ABCA1: variants seen among roughly 807,000 people sequenced by gnomAD.
The protein encoded by ABCA1 is ATP binding cassette subfamily A member 1, also known as phospholipid-transporting ATPase ABCA1.
ABCA1 carries 133 observed loss-of-function variants against 262.5 expected under a neutral mutation model. That is an observed-to-expected ratio of 0.51 (90% confidence interval 0.44 to 0.59). ABCA1 has a LOEUF of 0.59. Among genes scored for constraint, ABCA1 ranks in the 20% least tolerant of loss-of-function variants. ABCA1 has a pLI of 0.00. For missense variants in ABCA1, 2,452 were observed against 2,777.5 expected (o/e 0.88, Z 2.63); for synonymous variants, 1,022 against 1,043.5 (o/e 0.98, Z 0.40).
Position 104,862,654 on chromosome 9 carries a change from C to T in ABCA1, c.422-854G>A, listed in dbSNP as rs1220676024. Among the ~76,000 whole-genome samples the T allele has an allele frequency of 2.5e-3, 19 of 7,516 alleles. 1 individual carries two copies. Among genetic ancestry groups the T allele is most frequent in the Non-Finnish European group, 3.4e-3 (13 of 3,880 alleles). 4.9% of individuals were successfully genotyped at this position (7,516 alleles called of 152,430 possible). A position where few individuals can be genotyped will look rare whatever the true frequency, so the allele number is the denominator to read the frequency against. The stretch of plus-strand genomic sequence containing the variant: ...ACTGCCGGGCCGGGCCGGGCCGGGC[C>T]GGGCCGGGCCGGGCCGGGCCGGGCC... On this transcript the variant is annotated intron_variant, in intron 5 of 49. Coordinates refer to ENST00000374736, the MANE Select transcript of ABCA1 (RefSeq NM_005502.4).
At chr9:104,828,298 A>C (rs1832970652) in intron 15 of ABCA1, among the ~76,000 whole-genome samples, 1 of 152,152 alleles carries the variant, frequency 6.6e-6, no homozygotes, top group Non-Finnish European at 1.5e-5. Flanking sequence ...GTCAGGAGGG[A>C]GGCCTTGGGG....
At chr9:104,829,415 G>C (rs1387087952) in intron 14 of ABCA1, among the ~76,000 whole-genome samples, 1 of 152,102 alleles carries the variant, frequency 6.6e-6, no homozygotes, top group African/African-American at 2.4e-5. Context: ...ACTAAAGGTA[G>C]ATTATGTTAA....
chr9:104,857,218 A>G (rs1307053847), intron 7 of ABCA1, among the ~76,000 whole-genome samples: 4 of 152,158 alleles, frequency 2.6e-5, no homozygotes, highest in Non-Finnish European at 4.4e-5. Flanking sequence ...CATGAGAATC[A>G]CTTAAGCCTG....
At position 104,816,218 on chromosome 9, in the gene ABCA1, G is replaced by T; in HGVS notation, c.3663C>A (p.Leu1221=). The change falls in exon 25 of 50, where the codon CTC becomes CTA. Residue 1221 remains leucine (L), a synonymous_variant. Coordinates refer to ENST00000374736, the MANE Select transcript of ABCA1 (RefSeq NM_005502.4). ...AGAGCCGGTCATCAATCTCATGAAA[G>T]AGTTCCACAAAGGCTCCCTCCTTAG... ...EAAKEGAFVE[L]FHEIDDRLSD... is the part of the protein sequence containing the mutation. 1.9e-6 allele frequency: 3 copies of T among 1,614,156 alleles called. No individual in the cohort carries two copies. The highest frequency in any genetic ancestry group is 2.7e-5 in the African/African-American group (2 of 75,024).
Position 104,865,098 on chromosome 9 carries a change from A to C in ABCA1, c.422-3298T>G, listed in dbSNP as rs116534111. ...TATCCACCCATGTAGGCTTAGACTC[A>C]CACACTAGCACCAACCTGTGTGAAA... On this transcript the variant is annotated intron_variant, in intron 5 of 49. Transcript: ENST00000374736. 2.5e-3 allele frequency among the ~76,000 whole-genome samples: 376 copies of C among 152,304 alleles called. 3 individuals are homozygous for C. The highest frequency in any genetic ancestry group is 8.5e-3 in the African/African-American group (352 of 41,558).
At chr9:104,871,280 G>A (rs1339138889) in intron 5 of ABCA1, among the ~76,000 whole-genome samples, 2 of 152,172 alleles carry the variant, frequency 1.3e-5, no homozygotes, top group African/African-American at 2.4e-5. Flanking sequence ...CTCCAGAACT[G>A]TGAGAAGTAA....
At chr9:104,793,045 A>G (rs1829565153) in intron 41 of ABCA1, 126 bp downstream of exon 41, 1 of 1,582,402 alleles carries the variant, frequency 6.3e-7, no homozygotes, top group Admixed American at 1.7e-5. Context: ...TGCCCACATC[A>G]GGAAAATCAG....
intron 11 of ABCA1, among the ~76,000 whole-genome samples, 182 bp from the exon 12 acceptor site, chr9:104,832,953 T>C (rs946555280): frequency 6.6e-5 from 10 of 152,150 alleles, no homozygotes; most frequent in African/African-American, 2.4e-4. Context: ...AAAAACATGA[T>C]TTTAACCAGG....
At chr9:104,806,215 C>G (rs767899215) in intron 31 of ABCA1, 26 bp downstream of exon 31, 1 of 1,610,702 alleles carries the variant, frequency 6.2e-7, no homozygotes, top group South Asian at 1.1e-5. Context: ...CCCCTTCTGC[C>G]CAATCACCCC....
chr9:104,819,951 T>A lies in ABCA1; in HGVS notation c.3079A>T (p.Lys1027Ter). Residue 1027 changes from lysine (K) to a stop codon, truncating the protein, a stop_gained, in exon 21 of 50, where the codon AAA (lysine) becomes TAA (stop). Transcript: ENST00000374736. LOFTEE classifies it high-confidence loss of function. The stretch of plus-strand genomic sequence containing the variant: ...CCTGACAGCTGGCTTGTTTTGCTTT[T>A]CAGCTTGCTTGATGGCAAACCAACA... ...LDVGLPSSKL[K>*]SKTSQLSGGM... 1 of 1,613,856 alleles carries A rather than the reference T, an allele frequency of 6.2e-7. No homozygotes were observed. The highest frequency in any genetic ancestry group is 8.5e-7 in the Non-Finnish European group (1 of 1,180,008).
At position 104,787,970 on chromosome 9, in the gene ABCA1, T is replaced by G; in HGVS notation, c.6154A>C (p.Lys2052Gln). The G allele has an allele frequency of 1.2e-6, 2 of 1,614,164 alleles. No homozygotes were observed. Among genetic ancestry groups the G allele is most frequent in the Non-Finnish European group, 1.7e-6 (2 of 1,180,032 alleles). ...AGNYSGGNKRKLSTAMALIGG... is the reference protein window; with the variant it reads ...AGNYSGGNKRQLSTAMALIGG... ...ATCAAAGCCATGGCTGTAGAGAGCT[T>G]GCGTTTGTTGCCTCCACTATAGTTA... The change falls in exon 46 of 50, where the codon AAG (lysine) becomes CAG (glutamine). Residue 2052 changes from lysine to glutamine, a missense_variant. This residue lies in a region of ABCA1 where 752 missense variants were observed against 944.5 expected (regional missense o/e 0.80). Coordinates refer to ENST00000374736, the MANE Select transcript of ABCA1 (RefSeq NM_005502.4).
chr9:104,924,496 G>A (rs542653434), intron 1 of ABCA1, among the ~76,000 whole-genome samples: 5 of 151,948 alleles, frequency 3.3e-5, no homozygotes, highest in African/African-American at 1.2e-4. Flanking sequence ...TGTAATCCCA[G>A]CTACTCAGGA....
chr9:104,846,832 AG>A (rs1291032389), intron 7 of ABCA1, among the ~76,000 whole-genome samples: 1 of 152,202 alleles, frequency 6.6e-6, no homozygotes, highest in East Asian at 1.9e-4. Flanking sequence ...TGATACGCAG[AG>A]GTGTTCATGA....
At chr9:104,926,470 CAA>C (rs781060719) in intron 1 of ABCA1, among the ~76,000 whole-genome samples, 2 of 118,774 alleles carry the variant, frequency 1.7e-5, no homozygotes, top group Non-Finnish European at 3.5e-5. Flanking sequence ...ACCAAAAAAA[CAA>C]AAAAAAAAAA....
intron 5 of ABCA1, among the ~76,000 whole-genome samples, chr9:104,862,664 C>A (rs1457767865): frequency 0.092 from 638 of 6,914 alleles, 102 homozygotes; most frequent in African/African-American, 0.17. Flanking sequence ...CGGGCCGGGC[C>A]GGGCCGGGCC....
In ABCA1 at chr9:104,817,110, G is replaced by A. The variant is rs1831843898; in HGVS notation, c.3535+222C>T. ...AACCCCAATCATCTCAGCTCTCTGG[G>A]ACACTGCCCTGCTAGCTCCCAAACC... is the stretch of plus-strand genomic sequence containing the variant. On this transcript the variant is annotated intron_variant, in intron 24 of 49. Transcript: ENST00000374736. The surrounding 1 kb of genome is among the most constrained non-coding windows in gnomAD (Gnocchi z 4.7). 1 of 658,772 alleles carries A rather than the reference G, an allele frequency of 1.5e-6. No individual in the cohort carries two copies. The highest frequency in any genetic ancestry group is 1.9e-6 in the Non-Finnish European group (1 of 531,930). The allele number at this position is 658,772 out of a possible 1,614,324, so 40.8% of individuals were successfully genotyped here. A position where few individuals can be genotyped will look rare whatever the true frequency, so the allele number is the denominator to read the frequency against.
chr9:104,810,516 A>G (rs1831183640), intron 29 of ABCA1, among the ~76,000 whole-genome samples: 1 of 152,148 alleles, frequency 6.6e-6, no homozygotes, highest in Admixed American at 6.5e-5. Context: ...TTAATCATGG[A>G]TTTTTGCAAG....
In ABCA1 at chr9:104,810,897, T is replaced by C; in HGVS notation, c.4078A>G (p.Ile1360Val). The C allele has an allele frequency of 6.2e-7, 1 of 1,614,136 alleles. No individual in the cohort carries two copies. The change falls in exon 29 of 50, where the codon ATT becomes GTT. Residue 1360 changes from isoleucine (I) to valine (V), a missense_variant. By Grantham distance (29) the Ile-to-Val change is conservative. Transcript: ENST00000374736. ...QIVLPAVFVCIALVFSLIVPP... is the reference protein window; with the variant it reads ...QIVLPAVFVCVALVFSLIVPP... ...ACGATCAGGCTGAACACAAGGGCAA[T>C]GCAGACAAACACAGCTGGCAAGACA...
At chr9:104,841,589 T>A (rs1310944428) in intron 8 of ABCA1, among the ~76,000 whole-genome samples, 1 of 152,204 alleles carries the variant, frequency 6.6e-6, no homozygotes, top group Non-Finnish European at 1.5e-5. Flanking sequence ...ACAACTTGGC[T>A]TGGTTTTGGT....
Sources: allele counts gnomAD v4.1 joint callset (sites outside exome capture counted in the v4.1 genomes callset), GRCh38; gene constraint gnomAD v4.1.1; regional missense constraint gnomAD v4.1.1; non-coding constraint Gnocchi (gnomAD v3.1); transcripts MANE v1.5; gene names NCBI Gene and HGNC (gene_info 2026-07-23, HGNC 2026-07-21).